Variants in GOLM2 observed in about 807,000 individuals in gnomAD.
GOLM2 encodes golgi membrane protein 2.
Under a neutral mutation model 55.9 loss-of-function variants are expected in GOLM2, and 26 were observed. The observed-to-expected ratio is 0.47, with a 90% CI of 0.34 to 0.65. The LOEUF is 0.65. GOLM2 is among the 30% of genes least tolerant of loss of function. GOLM2 has a pLI of 0.01. For synonymous variants in GOLM2, 165 were observed against 194.6 expected (o/e 0.85, Z 1.27); for missense variants, 486 against 531.8 (o/e 0.91, Z 0.85).
At chr15:44,399,934 G>T (rs2079553662) in intron 8 of GOLM2, among the ~76,000 whole-genome samples, 2 of 151,520 alleles carry the variant, frequency 1.3e-5, no homozygotes, top group South Asian at 4.2e-4. Flanking sequence ...GGTGGAGGTT[G>T]CAGTGAGCTG....
chr15:44,307,899 G>A (rs1485348202), intron 1 of GOLM2: 1 of 152,130 alleles, frequency 6.6e-6, no homozygotes, highest in Non-Finnish European at 1.5e-5. Context: ...AGGAAAGCTG[G>A]AAAGTATGTT....
Position 44,415,644 on chromosome 15 carries a change from T to G in GOLM2, c.*2238T>G, listed in dbSNP as rs1342513869. 1 of 152,634 alleles carries G rather than the reference T, an allele frequency of 6.6e-6. No homozygotes were observed. Among genetic ancestry groups the G allele is most frequent in the African/African-American group, 2.4e-5 (1 of 41,464 alleles). The allele number at this position is 152,634 out of a possible 1,614,324, so 9.5% of individuals were successfully genotyped here. A position where few individuals can be genotyped will look rare whatever the true frequency, so the allele number is the denominator to read the frequency against. Reference sequence around the variant, plus strand: ...TTTTTATAATGTTTTACTTCTGCCTTAAGATTTAGGTTTTTTAAATGTATT... The same window carrying G: ...TTTTTATAATGTTTTACTTCTGCCTGAAGATTTAGGTTTTTTAAATGTATT... On this transcript the variant is annotated 3_prime_UTR_variant, in exon 10 of 10. Transcript: ENST00000299957.
rs527919428 is a variant in GOLM2, at chr15:44,403,849, A to AT, written c.1240+800dup. On this transcript the variant is annotated intron_variant, in intron 9 of 9. Transcript: ENST00000299957. ...ACCACTGACATAGCAGAGGAAGGCT[A>AT]TTTTTGAATTTTTTCTGAGAGGCTT... Among the ~76,000 whole-genome samples the AT allele has an allele frequency of 1.7e-3, 255 of 152,288 alleles. 1 individual carries two copies. The highest frequency in any genetic ancestry group is 5.9e-3 in the African/African-American group (247 of 41,568).
At chr15:44,319,383 G>GTTTA (rs2078933939) in intron 1 of GOLM2, among the ~76,000 whole-genome samples, 1 of 151,458 alleles carries the variant, frequency 6.6e-6, no homozygotes, top group Non-Finnish European at 1.5e-5. Context: ...CGACTAATCT[G>GTTTA]TTTATTTATT....
rs2078706910 is a variant in GOLM2 at position 44,289,711 on chromosome 15, G to A, written c.327+355G>A. 6.6e-6 allele frequency among the ~76,000 whole-genome samples: 1 copy of A among 152,134 alleles called. No individual in the cohort carries two copies. The highest frequency in any genetic ancestry group is 6.5e-5 in the Admixed American group (1 of 15,274). Reference sequence around the variant, plus strand: ...TCTGGCGACTGCCAGGTTTGGTGTGGTTATTGTCTCATTTTTATTCCGTGC... The same window carrying A: ...TCTGGCGACTGCCAGGTTTGGTGTGATTATTGTCTCATTTTTATTCCGTGC... On this transcript the variant is annotated intron_variant, in intron 1 of 9. Transcript: ENST00000299957. The surrounding 1 kb of genome is among the most constrained non-coding windows in gnomAD (Gnocchi z 4.8).
intron 6 of GOLM2, among the ~76,000 whole-genome samples, chr15:44,356,823 C>T (rs2079201306): frequency 6.6e-6 from 1 of 152,130 alleles, no homozygotes; most frequent in African/African-American, 2.4e-5. Flanking sequence ...CTCTCTTGAT[C>T]TTATATGCAA....
At chr15:44,358,512 G>C (rs2079212754) in intron 6 of GOLM2, among the ~76,000 whole-genome samples, 2 of 152,130 alleles carry the variant, frequency 1.3e-5, no homozygotes. Flanking sequence ...TCAACAAACA[G>C]AGAAATAGAC....
intron 1 of GOLM2, among the ~76,000 whole-genome samples, chr15:44,297,566 T>A (rs1490932621): frequency 1.3e-5 from 2 of 151,930 alleles, no homozygotes; most frequent in Non-Finnish European, 2.9e-5. Flanking sequence ...TTTTTTGTTT[T>A]TTTTTTTTTA....
chr15:44,293,367 T>C (rs2078734633), intron 1 of GOLM2, among the ~76,000 whole-genome samples: 1 of 152,234 alleles, frequency 6.6e-6, no homozygotes, highest in African/African-American at 2.4e-5. Flanking sequence ...TGATATCTTA[T>C]TATGAAAGTC....
intron 7 of GOLM2, 126 bp downstream of exon 7, chr15:44,379,914 T>TA (rs113144334): frequency 0.065 from 28,754 of 441,662 alleles, 2,203 homozygotes; most frequent in African/African-American, 0.25. Flanking sequence ...GGTAATGTTA[T>TA]TTTTTTTTAG....
At chr15:44,385,925 A>G (rs2079441060) in intron 8 of GOLM2, among the ~76,000 whole-genome samples, 1 of 152,122 alleles carries the variant, frequency 6.6e-6, no homozygotes, top group East Asian at 1.9e-4. Flanking sequence ...TTGAAAAGGT[A>G]TTCTGGTTAC....
In GOLM2 at chr15:44,328,757, C is replaced by A; in HGVS notation, c.455C>A (p.Thr152Asn). The stretch of plus-strand genomic sequence containing the variant: ...CTTCAGGACTATAGGAAGAACAATA[C>A]TTACCTTGTGAAGAGGTTAGAATAT... The part of the protein sequence containing the change: ...DQLQDYRKNN[T>N]YLVKRLEYES... Residue 152 changes from threonine (T) to asparagine (N), a missense_variant, in exon 3 of 10, where the codon ACT becomes AAT. Physicochemically the swap from Thr to Asn is moderately conservative, Grantham distance 65. Coordinates refer to ENST00000299957, the MANE Select transcript of GOLM2 (RefSeq NM_138423.4). The A allele has an allele frequency of 6.2e-7, 1 of 1,610,814 alleles. No homozygotes were observed. Among genetic ancestry groups the A allele is most frequent in the African/African-American group, 1.3e-5 (1 of 74,904 alleles).
At chr15:44,377,861 TA>T (rs777716614) in intron 6 of GOLM2, among the ~76,000 whole-genome samples, 29 of 151,380 alleles carry the variant, frequency 1.9e-4, no homozygotes, top group Non-Finnish European at 3.5e-4. Context: ...GTATACAGTA[TA>T]ATGTACAGAA....
chr15:44,362,310 A>C (rs2079246806), intron 6 of GOLM2, among the ~76,000 whole-genome samples: 2 of 152,178 alleles, frequency 1.3e-5, no homozygotes, highest in Admixed American at 6.5e-5. Context: ...GTCTCAGCCC[A>C]AAATCTCCTT....
At chr15:44,320,009 A>G (rs967222769) in intron 1 of GOLM2, among the ~76,000 whole-genome samples, 8 of 152,200 alleles carry the variant, frequency 5.3e-5, no homozygotes, top group African/African-American at 1.7e-4. Flanking sequence ...AACTATCACC[A>G]TGGTCTAATT....
At chr15:44,307,191 G>C (rs2078843338) in intron 1 of GOLM2, 1 of 154,076 alleles carries the variant, frequency 6.5e-6, no homozygotes, top group African/African-American at 2.4e-5. Flanking sequence ...TCATAAGCTG[G>C]AAACTAACAT....
At chr15:44,397,213 C>T (rs1422085312) in intron 8 of GOLM2, among the ~76,000 whole-genome samples, 1 of 152,064 alleles carries the variant, frequency 6.6e-6, no homozygotes, top group African/African-American at 2.4e-5. Context: ...GGTGTGGTGG[C>T]TCACCCCTGG....
intron 8 of GOLM2, among the ~76,000 whole-genome samples, chr15:44,393,756 A>G (rs1276294944): frequency 6.6e-6 from 1 of 152,138 alleles, no homozygotes; most frequent in Non-Finnish European, 1.5e-5. Flanking sequence ...CAGTGGCGCA[A>G]TCTTGGCTCA....
intron 1 of GOLM2, among the ~76,000 whole-genome samples, chr15:44,308,885 A>G (rs922552596): frequency 1.3e-5 from 2 of 152,202 alleles, no homozygotes; most frequent in Admixed American, 1.3e-4. Context: ...TGGAAATCAT[A>G]TATCTGATAA....
Sources: gnomAD v4.1 joint callset for allele counts (sites outside exome capture counted in the v4.1 genomes callset) on GRCh38, gnomAD v4.1.1 for gene constraint, Gnocchi (gnomAD v3.1) non-coding constraint, MANE v1.5 for transcripts, NCBI Gene and HGNC (gene_info 2026-07-23, HGNC 2026-07-21) for gene names.